Variants in EDIL3 observed in about 807,000 individuals in gnomAD.
The protein encoded by EDIL3 is EGF like and discoidin domains 3.
In EDIL3, 37 loss-of-function variants were observed where a neutral mutation model predicts 67.4. That is an observed-to-expected ratio of 0.55 (90% CI 0.42 to 0.72). The LOEUF is 0.72. Among genes scored for constraint, EDIL3 ranks in the 30% least tolerant of loss-of-function variants. The pLI, the probability that EDIL3 is intolerant of heterozygous loss-of-function variation, is 0.00. For missense variants in EDIL3, 527 were observed against 586.3 expected (o/e 0.90, Z 1.04); for synonymous variants, 195 against 196.3 (o/e 0.99, Z 0.05).
chr5:84,028,578 GAC>G (rs201885314), intron 9 of EDIL3, among the ~76,000 whole-genome samples: 3 of 151,506 alleles, frequency 2.0e-5, no homozygotes, highest in Admixed American at 2.0e-4. Flanking sequence ...CATACACACA[GAC>G]ACACACACAC....
intron 9 of EDIL3, among the ~76,000 whole-genome samples, chr5:83,998,453 C>T (rs142257296): frequency 1.3e-5 from 2 of 152,220 alleles, no homozygotes; most frequent in Non-Finnish European, 2.9e-5. Context: ...CAGTAGTTGC[C>T]ATGGGCATTG....
chr5:84,030,428 A>C (rs760565914), intron 9 of EDIL3, among the ~76,000 whole-genome samples: 1 of 152,306 alleles, frequency 6.6e-6, no homozygotes, highest in Middle Eastern at 3.4e-3. Flanking sequence ...TTAAGGAGTA[A>C]ATGCATCAGG....
At chr5:84,055,535 G>C (rs1263754721) in intron 9 of EDIL3, among the ~76,000 whole-genome samples, 1 of 151,426 alleles carries the variant, frequency 6.6e-6, no homozygotes, top group Non-Finnish European at 1.5e-5. Flanking sequence ...TACAGAATGG[G>C]AGAAAATTTT....
intron 1 of EDIL3, among the ~76,000 whole-genome samples, chr5:84,304,810 T>C (rs892000079): frequency 3.7e-4 from 56 of 152,156 alleles, no homozygotes; most frequent in Non-Finnish European, 6.5e-4. Context: ...AGCCAGGAAA[T>C]CTTGAGCAAG....
intron 4 of EDIL3, among the ~76,000 whole-genome samples, chr5:84,156,601 T>C: frequency 6.6e-6 from 1 of 152,236 alleles, no homozygotes; most frequent in East Asian, 1.9e-4. Context: ...ATATGTATGC[T>C]CAGTTTGCTA....
At chr5:84,373,084 C>G (rs1747888446) in intron 1 of EDIL3, among the ~76,000 whole-genome samples, 1 of 152,002 alleles carries the variant, frequency 6.6e-6, no homozygotes, top group Admixed American at 6.6e-5. Context: ...CATTTTCCCT[C>G]CTCTCTCTCT....
Position 84,060,491 on chromosome 5 carries a change from G to T in EDIL3, c.953-7C>A, listed in dbSNP as rs774445833. ...CCCAGAGGCTCAGAACAACCTGAAA[G>T]AAAATGAGAAGGGCTCCATGAGAAA... On this transcript the variant is annotated splice_polypyrimidine_tract_variant and splice_region_variant and intron_variant, in intron 8 of 10. Coordinates refer to ENST00000296591, the MANE Select transcript of EDIL3 (RefSeq NM_005711.5). The T allele has an allele frequency of 8.1e-6, 13 of 1,612,528 alleles. No homozygotes were observed. Among genetic ancestry groups the T allele is most frequent in the Non-Finnish European group, 9.3e-6 (11 of 1,179,438 alleles).
chr5:84,341,205 A>G (rs911559780), intron 1 of EDIL3, among the ~76,000 whole-genome samples: 1 of 152,076 alleles, frequency 6.6e-6, no homozygotes, highest in Non-Finnish European at 1.5e-5. Flanking sequence ...ATGGAGTGAT[A>G]TACACTGACC....
intron 9 of EDIL3, among the ~76,000 whole-genome samples, chr5:83,965,523 TCAAA>T (rs1744673472): frequency 6.6e-6 from 1 of 152,062 alleles, no homozygotes; most frequent in Non-Finnish European, 1.5e-5. Context: ...ATACAGGAAC[TCAAA>T]CAGTGTCACC....
intron 1 of EDIL3, among the ~76,000 whole-genome samples, chr5:84,320,877 T>A (rs1354504938): frequency 6.6e-6 from 1 of 152,204 alleles, no homozygotes; most frequent in African/African-American, 2.4e-5. Flanking sequence ...CTTGTGAGTG[T>A]AAGGTTTGCT....
intron 9 of EDIL3, among the ~76,000 whole-genome samples, chr5:84,000,970 G>A (rs1488500321): frequency 4.6e-5 from 7 of 151,780 alleles, no homozygotes; most frequent in African/African-American, 1.7e-4. Flanking sequence ...AAACACAGGG[G>A]ATACAGCAGA....
At chr5:83,959,871 A>C (rs1452723918) in intron 10 of EDIL3, among the ~76,000 whole-genome samples, 2 of 150,994 alleles carry the variant, frequency 1.3e-5, no homozygotes, top group Non-Finnish European at 3.0e-5. Context: ...TATTTCATTG[A>C]TATATATGTA....
chr5:83,987,979 G>A (rs1745085740), intron 9 of EDIL3, among the ~76,000 whole-genome samples: 1 of 151,530 alleles, frequency 6.6e-6, no homozygotes, highest in South Asian at 2.1e-4. Flanking sequence ...CCTGAGCTGA[G>A]GCATCCAACG....
At chr5:84,003,383 G>A (rs995667618) in intron 9 of EDIL3, among the ~76,000 whole-genome samples, 1 of 152,150 alleles carries the variant, frequency 6.6e-6, no homozygotes, top group African/African-American at 2.4e-5. Context: ...TATCCCCAAG[G>A]TGGCAGCATA....
At chr5:84,350,528 T>C (rs966508403) in intron 1 of EDIL3, among the ~76,000 whole-genome samples, 7 of 152,066 alleles carry the variant, frequency 4.6e-5, no homozygotes, top group African/African-American at 9.7e-5. Context: ...AGTTCAACCA[T>C]AGGCCAATCA....
intron 9 of EDIL3, among the ~76,000 whole-genome samples, chr5:83,994,938 G>A (rs1561397036): frequency 6.6e-6 from 1 of 151,908 alleles, no homozygotes; most frequent in Non-Finnish European, 1.5e-5. Flanking sequence ...AACAGTATGT[G>A]AAAAATGCTC....
chr5:84,259,881 A>AAAAAAAAATG (rs1745194990), intron 1 of EDIL3, among the ~76,000 whole-genome samples: 1 of 152,178 alleles, frequency 6.6e-6, no homozygotes, highest in African/African-American at 2.4e-5. Context: ...AAAACCGAAA[A>AAAAAAAAATG]GCCTAAAATA....
At chr5:84,364,659 C>T (rs1259290301) in intron 1 of EDIL3, among the ~76,000 whole-genome samples, 3 of 151,814 alleles carry the variant, frequency 2.0e-5, no homozygotes, top group African/African-American at 2.4e-5. Context: ...TTATATAGTA[C>T]CCCAAATAAT....
intron 9 of EDIL3, among the ~76,000 whole-genome samples, chr5:84,010,764 C>T (rs975810288): frequency 2.6e-5 from 4 of 152,128 alleles, no homozygotes; most frequent in Non-Finnish European, 5.9e-5. Context: ...CTAGCACTGG[C>T]TGTTTTGTAA....
Sources: allele counts gnomAD v4.1 joint callset (sites outside exome capture counted in the v4.1 genomes callset), GRCh38; gene constraint gnomAD v4.1.1; transcripts MANE v1.5; gene names NCBI Gene and HGNC (gene_info 2026-07-23, HGNC 2026-07-21).